Variants in C11orf58 observed in about 807,000 individuals in gnomAD.
C11orf58 encodes chromosome 11 open reading frame 58.
In C11orf58, 5 loss-of-function variants were observed where a neutral mutation model predicts 22.7. The observed-to-expected ratio is 0.22, with a 90% CI of 0.12 to 0.46. The LOEUF is 0.46. C11orf58 is among the 20% of genes least tolerant of loss of function. The probability of loss-of-function intolerance (pLI) is 0.99; values close to 1 mark genes in which losing one functional copy is unlikely to be tolerated. For synonymous variants in C11orf58, 71 were observed against 70.7 expected, an observed-to-expected ratio of 1.00 and a Z score of -0.02; for missense variants, 151 against 223.3, an observed-to-expected ratio of 0.68 and a Z score of 2.06.
intron 3 of C11orf58, chr11:16,749,276 T>C (rs929645273): frequency 1.5e-4 from 23 of 152,366 alleles, no homozygotes; most frequent in African/African-American, 5.0e-4. Flanking sequence ...CTTTAAGTTA[T>C]TTAAATTATG....
chr11:16,752,758 C>T lies in C11orf58; in HGVS notation c.209-27C>T, dbSNP rs373141268. ...GTGTAAATTATTAATTTGACTGAAA[C>T]ATAACTAAAGTATCCTGGACATGCA... On this transcript the variant is annotated intron_variant, in intron 3 of 4. Coordinates refer to ENST00000228136, the MANE Select transcript of C11orf58 (RefSeq NM_014267.6). The T allele has an allele frequency of 4.7e-6, 7 of 1,491,322 alleles. No homozygotes were observed. In the African/African-American group the frequency reaches 8.4e-5, roughly 18 times the overall value. 92.4% of individuals were successfully genotyped at this position (1,491,322 alleles called of 1,614,324 possible).
chr11:16,748,807 C>T (rs1407002570), intron 3 of C11orf58, among the ~76,000 whole-genome samples: 7 of 151,874 alleles, frequency 4.6e-5, no homozygotes, highest in Non-Finnish European at 7.4e-5. Flanking sequence ...TATCAATTAT[C>T]ATGTACTTTG....
At chr11:16,752,275 C>A (rs55658887) in intron 3 of C11orf58, 4,497 of 152,746 alleles carry the variant, frequency 0.029, 160 homozygotes, top group South Asian at 0.056. Flanking sequence ...CCACCACCCC[C>A]CTCCATGGAA....
intron 1 of C11orf58, among the ~76,000 whole-genome samples, chr11:16,739,268 G>C (rs1646651981): frequency 1.3e-5 from 2 of 152,096 alleles, no homozygotes; most frequent in Admixed American, 1.3e-4. Context: ...GATTTTTCCT[G>C]CCTGGATGAT....
chr11:16,744,815 G>A, intron 2 of C11orf58, 131 bp downstream of exon 2: 1 of 783,008 alleles, frequency 1.3e-6, no homozygotes, highest in Non-Finnish European at 2.0e-6. Context: ...TTGGCTTTGG[G>A]AAATACATGT....
chr11:16,751,375 G>C (rs1848531468), intron 3 of C11orf58: 1 of 152,140 alleles, frequency 6.6e-6, no homozygotes, highest in Non-Finnish European at 1.5e-5. Context: ...GGTGGCACAT[G>C]CCTATAATCC....
At chr11:16,750,524 G>T (rs1490927121) in intron 3 of C11orf58, 1 of 152,232 alleles carries the variant, frequency 6.6e-6, no homozygotes, top group East Asian at 1.9e-4. Flanking sequence ...AGTTCAAAAG[G>T]TGGCACATGT....
chr11:16,751,496 C>CT (rs1564884727), intron 3 of C11orf58: 29 of 149,904 alleles, frequency 1.9e-4, no homozygotes, highest in South Asian at 4.3e-4. Flanking sequence ...AGCGAGACTC[C>CT]CTCGAAAAAA....
intron 2 of C11orf58, chr11:16,747,604 T>G (rs1848497667): frequency 6.6e-6 from 1 of 152,292 alleles, no homozygotes; most frequent in East Asian, 1.9e-4. Flanking sequence ...CTAATGATTG[T>G]GATATACTGT....
chr11:16,756,908 CAAAAAAAA>C lies in C11orf58; in HGVS notation c.*1817_*1824del, dbSNP rs55803725. The C allele has an allele frequency of 7.2e-5, 7 of 97,046 alleles. No individual in the cohort carries two copies. Among genetic ancestry groups the C allele is most frequent in the African/African-American group, 2.0e-4 (5 of 24,888 alleles). 6.0% of individuals were successfully genotyped at this position (97,046 alleles called of 1,614,324 possible). A position where few individuals can be genotyped will look rare whatever the true frequency, so the allele number is the denominator to read the frequency against. On this transcript the variant is annotated 3_prime_UTR_variant, in exon 5 of 5. Transcript: ENST00000228136. Reference sequence around the variant, plus strand: ...GGGCAACAAGAGCAAAACTCCATCTCAAAAAAAAAAAAAAAAAAAATTTAGAATGTGTT... The same window carrying C: ...GGGCAACAAGAGCAAAACTCCATCTCAAAAAAAAAAAATTTAGAATGTGTT...
intron 2 of C11orf58, among the ~76,000 whole-genome samples, chr11:16,745,365 A>G (rs1848479774): frequency 6.6e-6 from 1 of 152,208 alleles, no homozygotes; most frequent in Non-Finnish European, 1.5e-5. Flanking sequence ...TGACTCCCCA[A>G]CAACTTAACT....
In C11orf58 at chr11:16,738,654, G is replaced by A. The variant is rs1848415452; in HGVS notation, c.-125G>A. 9.3e-7 allele frequency: 1 copy of A among 1,075,202 alleles called. No individual in the cohort carries two copies. Among genetic ancestry groups the A allele is most frequent in the Admixed American group, 1.8e-5 (1 of 56,788 alleles). The allele number at this position is 1,075,202 out of a possible 1,614,324, so 66.6% of individuals were successfully genotyped here. ...AACGGTGACGACTGTGGCAGAGAAG[G>A]CCCGGAGGGGCTCTGCGTTCTGTAG... On this transcript the variant is annotated 5_prime_UTR_variant, in exon 1 of 5. Coordinates refer to ENST00000228136, the MANE Select transcript of C11orf58 (RefSeq NM_014267.6).
chr11:16,741,609 G>A (rs1462855346), intron 1 of C11orf58, among the ~76,000 whole-genome samples: 1 of 152,230 alleles, frequency 6.6e-6, no homozygotes, highest in Non-Finnish European at 1.5e-5. Flanking sequence ...CAGGACGTGA[G>A]CTGTGGGCCA....
intron 4 of C11orf58, 123 bp downstream of exon 4, chr11:16,753,017 T>C (rs1207031572): frequency 3.0e-6 from 2 of 667,706 alleles, no homozygotes; most frequent in Non-Finnish European, 4.9e-6. Context: ...GTAGTTATCT[T>C]AAAAATAATT....
At chr11:16,748,037 A>C (rs1848501146) in intron 2 of C11orf58, 60 bp from the exon 3 acceptor site, 1 of 1,281,976 alleles carries the variant, frequency 7.8e-7, no homozygotes, top group African/African-American at 1.5e-5. Context: ...CACATAGTAG[A>C]TACCCAATAA....
chr11:16,755,927 A>G lies in C11orf58; in HGVS notation c.*823A>G, dbSNP rs1257544360. The G allele has an allele frequency of 7.2e-5, 11 of 152,598 alleles. No homozygotes were observed. Among genetic ancestry groups the G allele is most frequent in the Non-Finnish European group, 1.3e-4 (9 of 68,032 alleles). 9.5% of individuals were successfully genotyped at this position (152,598 alleles called of 1,614,324 possible). ...GATACCTTTATCCTCATTATCTACAAATGAGGAACAGGCTTACTGATAAGA... is the reference window on the plus strand; with the variant it reads ...GATACCTTTATCCTCATTATCTACAGATGAGGAACAGGCTTACTGATAAGA... On this transcript the variant is annotated 3_prime_UTR_variant, in exon 5 of 5. Coordinates refer to ENST00000228136, the MANE Select transcript of C11orf58 (RefSeq NM_014267.6).
intron 2 of C11orf58, chr11:16,746,742 C>T (rs1208961936): frequency 6.6e-6 from 1 of 152,090 alleles, no homozygotes. Context: ...CAACCTCTGC[C>T]TCCCGGGTTC....
chr11:16,745,887 A>G (rs1009063008), intron 2 of C11orf58, among the ~76,000 whole-genome samples: 11 of 152,256 alleles, frequency 7.2e-5, no homozygotes, highest in African/African-American at 2.2e-4. Context: ...TAAGCACATT[A>G]AAATGAAATT....
intron 2 of C11orf58, among the ~76,000 whole-genome samples, chr11:16,746,234 A>T (rs937874193): frequency 6.6e-6 from 1 of 152,250 alleles, no homozygotes; most frequent in Non-Finnish European, 1.5e-5. Flanking sequence ...GAGGTCATGT[A>T]AAACACTGAG....
Sources: gnomAD v4.1 joint callset for allele counts (sites outside exome capture counted in the v4.1 genomes callset) on GRCh38, gnomAD v4.1.1 for gene constraint, MANE v1.5 for transcripts, NCBI Gene and HGNC (gene_info 2026-07-23, HGNC 2026-07-21) for gene names.